KIF13B: variants seen among roughly 807,000 people sequenced by gnomAD.
KIF13B encodes the protein kinesin family member 13B.
In KIF13B, 127 loss-of-function variants were observed where a neutral mutation model predicts 222.0. That is an observed-to-expected ratio of 0.57 (90% CI 0.50 to 0.66). The LOEUF is 0.66. Ranked by LOEUF, KIF13B falls within the 30% of genes least tolerant of loss-of-function variation. KIF13B has a pLI of 0.00. For synonymous variants in KIF13B, 976 were observed against 919.0 expected (o/e 1.06, Z -1.12); for missense variants, 2,173 against 2,379.0 (o/e 0.91, Z 1.80).
At position 29,116,839 on chromosome 8, in the gene KIF13B, C is replaced by G. The variant is rs371595587; in HGVS notation, c.3829G>C (p.Gly1277Arg). The change falls in exon 31 of 40, where the codon GGC becomes CGC. Residue 1277 changes from glycine (G) to arginine (R), a missense_variant. Transcript: ENST00000524189. ...TTCCACTGAAGACTAACCTGGCGGC[C>G]GTGAACATTGACACAGATTCTCTTG... ...LRKRICVNVHGRQGFAQSLLK... is the reference protein window; with the variant it reads ...LRKRICVNVHRRQGFAQSLLK... The G allele has an allele frequency of 1.2e-6, 2 of 1,606,010 alleles. No individual in the cohort carries two copies. The highest frequency in any genetic ancestry group is 2.2e-5 in the East Asian group (1 of 44,656).
chr8:29,228,472 A>AAAAAAAAAAAAAAAAAAAAATATATATAT, intron 2 of KIF13B, among the ~76,000 whole-genome samples: 3 of 117,086 alleles, frequency 2.6e-5, no homozygotes, highest in African/African-American at 6.5e-5. Flanking sequence ...ATCTTAAAAA[A>AAAAAAAAAAAAAAAAAAAAATATATATAT]ATATATATAT....
In KIF13B at chr8:29,218,087, T is replaced by C. The variant is rs544406409; in HGVS notation, c.150-21888A>G. ...GCACCGTTACACTGTGCTTATTGGA[T>C]GGGATAAGAGAATTACAGTAATTAA... On this transcript the variant is annotated intron_variant, in intron 2 of 39. Coordinates refer to ENST00000524189, the MANE Select transcript of KIF13B (RefSeq NM_015254.4). Among the ~76,000 whole-genome samples the C allele has an allele frequency of 9.8e-5, 15 of 152,320 alleles. No individual in the cohort carries two copies. In the South Asian group the frequency reaches 1.7e-3, roughly 17 times the overall value.
intron 2 of KIF13B, among the ~76,000 whole-genome samples, chr8:29,196,481 CTTATAGA>C (rs1813428182): frequency 6.6e-6 from 1 of 152,026 alleles, no homozygotes; most frequent in Non-Finnish European, 1.5e-5. Flanking sequence ...ATATTTCTGC[CTTATAGA>C]TTTTGCTTTT....
chr8:29,075,216 G>C (rs1417809785), intron 38 of KIF13B, 65 bp downstream of exon 38: 2 of 1,353,768 alleles, frequency 1.5e-6, no homozygotes, highest in East Asian at 5.0e-5. Flanking sequence ...GGACTCAACA[G>C]TTTCGGCATC....
intron 21 of KIF13B, among the ~76,000 whole-genome samples, chr8:29,136,608 T>C (rs1162964358): frequency 1.3e-5 from 2 of 151,390 alleles, no homozygotes; most frequent in Non-Finnish European, 2.9e-5. Flanking sequence ...AATTAATTAA[T>C]TAATTAAAAT....
At chr8:29,222,515 C>CTTTTTTTTTTTTTTTTT (rs58488862) in intron 2 of KIF13B, among the ~76,000 whole-genome samples, 2 of 60,594 alleles carry the variant, frequency 3.3e-5, no homozygotes, top group Admixed American at 2.6e-4. Flanking sequence ...CCACACCTGA[C>CTTTTTTTTTTTTTTTTT]TTTTTTTTTT....
At chr8:29,122,731 G>A (rs1346275041) in intron 28 of KIF13B, 85 bp from the exon 29 acceptor site, 1 of 1,087,188 alleles carries the variant, frequency 9.2e-7, no homozygotes, top group Non-Finnish European at 1.4e-6. Flanking sequence ...ATGGCATTCA[G>A]GGCTGTTACA....
chr8:29,130,715 C>A (rs1399624971), intron 23 of KIF13B, 50 bp from the exon 24 acceptor site: 1 of 1,586,904 alleles, frequency 6.3e-7, no homozygotes, highest in Non-Finnish European at 8.6e-7. Flanking sequence ...TATTTCATTA[C>A]AGGCAGCTTA....
At chr8:29,080,419 G>C (rs1208793248) in intron 37 of KIF13B, among the ~76,000 whole-genome samples, 1 of 151,782 alleles carries the variant, frequency 6.6e-6, no homozygotes, top group South Asian at 2.1e-4. Flanking sequence ...GTCCTGACCA[G>C]GGGCCTGGAA....
intron 37 of KIF13B, among the ~76,000 whole-genome samples, chr8:29,077,849 G>A (rs566321297): frequency 1.2e-4 from 18 of 152,264 alleles, no homozygotes; most frequent in African/African-American, 3.9e-4. Flanking sequence ...CCATGCGGGG[G>A]GCGTGGCACC....
intron 36 of KIF13B, among the ~76,000 whole-genome samples, chr8:29,095,793 A>G (rs1808495022): frequency 6.6e-6 from 1 of 152,116 alleles, no homozygotes; most frequent in South Asian, 2.1e-4. Context: ...AACAAAACAA[A>G]ACTACAGAAT....
intron 10 of KIF13B, among the ~76,000 whole-genome samples, chr8:29,167,843 A>G (rs890760271): frequency 6.6e-6 from 1 of 152,216 alleles, no homozygotes; most frequent in Non-Finnish European, 1.5e-5. Flanking sequence ...ATTTCGGTTT[A>G]ACACAAATTA....
chr8:29,126,759 G>C (rs751569616), intron 25 of KIF13B, among the ~76,000 whole-genome samples: 1 of 152,138 alleles, frequency 6.6e-6, no homozygotes, highest in African/African-American at 2.4e-5. Context: ...TCCCTGCTGG[G>C]TTTATAGTCC....
At chr8:29,074,480 TG>T (rs1377348891) in intron 38 of KIF13B, among the ~76,000 whole-genome samples, 1 of 152,250 alleles carries the variant, frequency 6.6e-6, no homozygotes, top group African/African-American at 2.4e-5. Flanking sequence ...AAGACATTTC[TG>T]GAGACTTCTG....
At chr8:29,209,777 T>C (rs1438342999) in intron 2 of KIF13B, among the ~76,000 whole-genome samples, 3 of 151,464 alleles carry the variant, frequency 2.0e-5, no homozygotes, top group Middle Eastern at 6.8e-3. Flanking sequence ...ATTGGCTGAA[T>C]GTGGCGGCTC....
chr8:29,167,680 C>G (rs1812067407), intron 10 of KIF13B, 95 bp from the exon 11 acceptor site: 2 of 982,706 alleles, frequency 2.0e-6, no homozygotes, highest in African/African-American at 3.2e-5. Context: ...CAAATTTCCC[C>G]AGGTCAAACA....
chr8:29,168,913 G>A (rs1323260395), intron 10 of KIF13B, among the ~76,000 whole-genome samples: 1 of 152,092 alleles, frequency 6.6e-6, no homozygotes, highest in Non-Finnish European at 1.5e-5. Flanking sequence ...TCATATATTA[G>A]GATACCAACC....
chr8:29,146,481 A>T lies in KIF13B; in HGVS notation c.2084T>A (p.Leu695Gln), dbSNP rs1164361783. ...AATGTAATTAGCTTCTCTCACCAAT[A>T]GATTGGCCTTAACAATTTGTTCCCT... ...RLREQIVKANLLVREANYIAE... is the reference protein window; with the variant it reads ...RLREQIVKANQLVREANYIAE... Residue 695 changes from leucine to glutamine, a missense_variant, in exon 18 of 40, where the codon CTA (leucine) becomes CAA (glutamine). By Grantham distance (113) the Leu-to-Gln change is moderately radical. Transcript: ENST00000524189. The T allele has an allele frequency of 6.2e-7, 1 of 1,613,818 alleles. No homozygotes were observed.
chr8:29,134,971 A>C (rs1345744832), intron 21 of KIF13B, among the ~76,000 whole-genome samples: 1 of 152,188 alleles, frequency 6.6e-6, no homozygotes, highest in African/African-American at 2.4e-5. Flanking sequence ...ATCAGACCCA[A>C]AGGCCCCAGA....
Sources: gnomAD v4.1 joint callset for allele counts (sites outside exome capture counted in the v4.1 genomes callset) on GRCh38, gnomAD v4.1.1 for gene constraint, MANE v1.5 for transcripts, NCBI Gene and HGNC (gene_info 2026-07-23, HGNC 2026-07-21) for gene names.